RYR3: variants seen among roughly 807,000 people sequenced by gnomAD.
RYR3 encodes ryanodine receptor 3.
RYR3 carries 207 observed loss-of-function variants against 584.3 expected under a neutral mutation model. That is an observed-to-expected ratio of 0.35 (90% CI 0.32 to 0.40). The LOEUF (loss-of-function observed/expected upper bound fraction) is 0.40, where lower values mean the gene tolerates loss of function less well. RYR3 is among the 10% of genes least tolerant of loss of function. The pLI is 1.00. For missense variants in RYR3, 5,616 were observed against 6,089.2 expected, an observed-to-expected ratio of 0.92 and a Z score of 2.59; for synonymous variants, 2,416 against 2,248.5, an observed-to-expected ratio of 1.07 and a Z score of -2.11.
rs758953190 is a variant in RYR3, at chr15:33,861,176, C to T, written c.14463C>T (p.Tyr4821=). ...HTLQEHNLAN[Y]LFFLMYLINK... is the part of the protein sequence containing the mutation. ...TACAAGAGCACAACTTAGCCAACTA[C>T]TTGTGAGTATTCTTGGTTAACAAAA... Residue 4821 remains tyrosine (Y), a splice_region_variant and synonymous_variant, in exon 102 of 104, where the codon TAC becomes TAT. Coordinates refer to ENST00000634891, the MANE Select transcript of RYR3 (RefSeq NM_001036.6). 14 of 1,581,060 alleles carry T rather than the reference C, an allele frequency of 8.9e-6. No homozygotes were observed. Among genetic ancestry groups the T allele is most frequent in the African/African-American group, 1.3e-5 (1 of 74,450 alleles).
At chr15:33,854,315 A>T in intron 96 of RYR3, 74 bp from the exon 97 acceptor site, 2 of 1,264,078 alleles carry the variant, frequency 1.6e-6, no homozygotes, top group Non-Finnish European at 1.1e-6. Context: ...GAAAAAACTT[A>T]CTTTTTCCCC....
chr15:33,538,123 C>G (rs1323641476), intron 5 of RYR3, among the ~76,000 whole-genome samples: 1 of 151,854 alleles, frequency 6.6e-6, no homozygotes, highest in Non-Finnish European at 1.5e-5. Flanking sequence ...TTCATTTGTT[C>G]TTTATAATCT....
intron 10 of RYR3, among the ~76,000 whole-genome samples, chr15:33,551,666 C>T (rs2056684129): frequency 6.6e-6 from 1 of 152,196 alleles, no homozygotes; most frequent in Admixed American, 6.5e-5. Flanking sequence ...TCTCAAATGT[C>T]ATCTTCCTTC....
chr15:33,519,293 A>G (rs967643837), intron 3 of RYR3, among the ~76,000 whole-genome samples: 3 of 152,188 alleles, frequency 2.0e-5, no homozygotes, highest in African/African-American at 4.8e-5. Flanking sequence ...CTTTCTATCT[A>G]TCATATATAT....
intron 1 of RYR3, among the ~76,000 whole-genome samples, chr15:33,369,354 A>G (rs1259897880): frequency 6.6e-6 from 1 of 151,888 alleles, no homozygotes; most frequent in Non-Finnish European, 1.5e-5. Flanking sequence ...TCCTCCACCA[A>G]ATTACCTTTG....
At chr15:33,759,506 G>A (rs1384117336) in intron 60 of RYR3, among the ~76,000 whole-genome samples, 1 of 152,108 alleles carries the variant, frequency 6.6e-6, no homozygotes, top group Non-Finnish European at 1.5e-5. Context: ...GCATACACAA[G>A]TATCAATATC....
intron 29 of RYR3, 58 bp from the exon 30 acceptor site, chr15:33,647,366 G>T: frequency 1.4e-6 from 2 of 1,412,364 alleles, no homozygotes; most frequent in Non-Finnish European, 2.0e-6. Context: ...TTGCCTGTCG[G>T]AACTGTGGGA....
chr15:33,527,736 A>G (rs552598552), intron 3 of RYR3, among the ~76,000 whole-genome samples: 6 of 152,334 alleles, frequency 3.9e-5, no homozygotes, highest in South Asian at 2.1e-4. Context: ...GTGGGAAGCC[A>G]TTGTGGGTTT....
intron 3 of RYR3, among the ~76,000 whole-genome samples, chr15:33,509,424 G>T (rs977229153): frequency 2.0e-5 from 3 of 152,150 alleles, no homozygotes; most frequent in African/African-American, 7.2e-5. Context: ...CTTCCCTTTA[G>T]AAATGTTAGA....
At chr15:33,740,144 G>A in intron 51 of RYR3, 149 bp downstream of exon 51, 1 of 680,334 alleles carries the variant, frequency 1.5e-6, no homozygotes, top group Non-Finnish European at 2.5e-6. Context: ...GTCCCATCAG[G>A]CACAAGGTTT....
intron 1 of RYR3, among the ~76,000 whole-genome samples, chr15:33,323,083 G>A (rs1030451704): frequency 2.6e-5 from 4 of 151,452 alleles, no homozygotes; most frequent in African/African-American, 9.7e-5. Context: ...TCTCTTCCGT[G>A]CTATAATATA....
At chr15:33,601,394 G>A (rs2059653007) in intron 16 of RYR3, 25 bp from the exon 17 acceptor site, 2 of 1,609,634 alleles carry the variant, frequency 1.2e-6, no homozygotes, top group South Asian at 1.1e-5. Flanking sequence ...TGGTCCTAAG[G>A]TTTGGTGGGT....
intron 38 of RYR3, among the ~76,000 whole-genome samples, chr15:33,673,788 T>C (rs889795521): frequency 1.3e-5 from 2 of 152,234 alleles, no homozygotes; most frequent in African/African-American, 4.8e-5. Flanking sequence ...GCTTTCCCCA[T>C]GGGAGAAGGA....
intron 1 of RYR3, among the ~76,000 whole-genome samples, chr15:33,457,106 G>A (rs527575139): frequency 1.3e-5 from 2 of 152,166 alleles, no homozygotes; most frequent in African/African-American, 4.8e-5. Flanking sequence ...CCCAAATTTG[G>A]GGAAGAAGAT....
intron 91 of RYR3, among the ~76,000 whole-genome samples, chr15:33,843,259 G>A (rs1046867972): frequency 6.6e-6 from 1 of 152,020 alleles, no homozygotes; most frequent in South Asian, 2.1e-4. Flanking sequence ...GGTGGAGCTT[G>A]CAGTGAGCCG....
At chr15:33,863,329 T>C (rs750083268) in intron 102 of RYR3, among the ~76,000 whole-genome samples, 11 of 152,138 alleles carry the variant, frequency 7.2e-5, no homozygotes, top group Non-Finnish European at 1.6e-4. Flanking sequence ...GGAAAGGCAG[T>C]GAACATACTT....
chr15:33,714,970 T>A (rs1238198352), intron 43 of RYR3, among the ~76,000 whole-genome samples: 1 of 152,244 alleles, frequency 6.6e-6, no homozygotes, highest in Non-Finnish European at 1.5e-5. Flanking sequence ...GACATTGGCA[T>A]GCCAAAATGA....
At position 33,628,579 on chromosome 15, in the gene RYR3, T is replaced by C; in HGVS notation, c.2679+4T>C. The C allele has an allele frequency of 6.3e-7, 1 of 1,592,536 alleles. No individual in the cohort carries two copies. Among genetic ancestry groups the C allele is most frequent in the Non-Finnish European group, 8.6e-7 (1 of 1,160,522 alleles). ...ACTTGGCTGGACTTTCGGCAAGGTA[T>C]GTGTCTCAGGGCCAGGTTAGGGTGG... is the stretch of plus-strand genomic sequence containing the variant. On this transcript the variant is annotated splice_donor_region_variant and intron_variant, in intron 21 of 103. Transcript: ENST00000634891.
chr15:33,457,154 G>A (rs1388020158), intron 1 of RYR3, among the ~76,000 whole-genome samples: 10 of 152,144 alleles, frequency 6.6e-5, no homozygotes, highest in Non-Finnish European at 1.5e-5. Context: ...AAAAAAATGT[G>A]CCAAAAGAAA....
Sources: allele counts gnomAD v4.1 joint callset (sites outside exome capture counted in the v4.1 genomes callset), GRCh38; gene constraint gnomAD v4.1.1; transcripts MANE v1.5; gene names NCBI Gene and HGNC (gene_info 2026-07-23, HGNC 2026-07-21).